The following MCUR1 variants were observed in gnomAD, a reference collection of about 807,000 sequenced individuals.
MCUR1 encodes the protein MCU regulator 1.
A neutral mutation model predicts 42.0 loss-of-function variants in MCUR1; 37 were observed. The observed-to-expected ratio is 0.88, with a 90% CI of 0.68 to 1.16. The LOEUF (loss-of-function observed/expected upper bound fraction) is 1.16, where lower values mean the gene tolerates loss of function less well. Among genes scored for constraint, MCUR1 ranks in the 50% most tolerant of loss-of-function variants. MCUR1 has a pLI of 0.00. For missense variants in MCUR1, 469 were observed against 468.4 expected, an observed-to-expected ratio of 1.00 and a Z score of -0.01; for synonymous variants, 229 against 196.2, an observed-to-expected ratio of 1.17 and a Z score of -1.40.
rs1209704375 is a variant in MCUR1 at position 13,800,531 on chromosome 6, C to T, written c.742-149G>A. The T allele has an allele frequency of 6.5e-5, 36 of 556,634 alleles. No homozygotes were observed. The South Asian group carries it at 7.7e-4, about 12-fold the overall frequency. 34.5% of individuals were successfully genotyped at this position (556,634 alleles called of 1,614,324 possible). On this transcript the variant is annotated intron_variant, in intron 4 of 8. Coordinates refer to ENST00000379170, the MANE Select transcript of MCUR1 (RefSeq NM_001031713.4). The stretch of plus-strand genomic sequence containing the variant: ...GATTGCAGAATGGCATTACAACACA[C>T]GTATCTTGAAATCAGTTTGAATTCA...
intron 6 of MCUR1, among the ~76,000 whole-genome samples, chr6:13,797,433 G>T (rs148179148): frequency 1.3e-5 from 2 of 152,202 alleles, no homozygotes; most frequent in African/African-American, 4.8e-5. Flanking sequence ...CTTAGGCCGG[G>T]CGCGGTGGCT....
At chr6:13,792,566 G>A (rs1056080006) in intron 7 of MCUR1, among the ~76,000 whole-genome samples, 1 of 152,032 alleles carries the variant, frequency 6.6e-6, no homozygotes, top group Admixed American at 6.6e-5. Context: ...GGCTACCCAC[G>A]GCCAATTTGT....
At chr6:13,801,541 A>G in intron 3 of MCUR1, 152 bp from the exon 4 acceptor site, 1 of 588,530 alleles carries the variant, frequency 1.7e-6, no homozygotes. Context: ...AAAGGGGAAA[A>G]GGAAAAGAAA....
Position 13,801,309 on chromosome 6 carries a change from T to G in MCUR1, c.720A>C (p.Ser240=). 1 of 1,612,354 alleles carries G rather than the reference T, an allele frequency of 6.2e-7. No homozygotes were observed. The change falls in exon 4 of 9, where the codon TCA becomes TCC. Residue 240 remains serine (S), a synonymous_variant. Transcript: ENST00000379170. ...TTACCTCATTTTCTGCTCTGAGGGC[T>G]GAAAATTCACTCTTCTCCAAAATAA... The part of the protein sequence containing the change: ...DMIILEKSEF[S]ALRAENEKIK...
intron 8 of MCUR1, 99 bp from the exon 9 acceptor site, chr6:13,790,963 C>CT (rs1759717907): frequency 1.2e-6 from 1 of 863,498 alleles, no homozygotes; most frequent in Non-Finnish European, 1.8e-6. Context: ...AACCTAGAAA[C>CT]TTAGATTGCT....
intron 6 of MCUR1, among the ~76,000 whole-genome samples, chr6:13,795,565 A>G (rs565676986): frequency 1.3e-5 from 2 of 152,274 alleles, no homozygotes; most frequent in South Asian, 2.1e-4. Flanking sequence ...TTACAAACAC[A>G]CTCGCTGTAT....
intron 2 of MCUR1, among the ~76,000 whole-genome samples, chr6:13,806,661 T>G (rs1197895935): frequency 6.6e-6 from 1 of 152,132 alleles, no homozygotes; most frequent in Admixed American, 6.6e-5. Context: ...CATGGTGGTG[T>G]GTGCCTGTAG....
At chr6:13,808,648 C>G (rs1389504036) in intron 1 of MCUR1, among the ~76,000 whole-genome samples, 1 of 152,136 alleles carries the variant, frequency 6.6e-6, no homozygotes, top group African/African-American at 2.4e-5. Flanking sequence ...AGTTTTAGCT[C>G]TTACATTGAG....
At chr6:13,809,025 C>T (rs141290764) in intron 1 of MCUR1, among the ~76,000 whole-genome samples, 5 of 152,268 alleles carry the variant, frequency 3.3e-5, no homozygotes, top group African/African-American at 9.6e-5. Flanking sequence ...ACTACAGACT[C>T]GACCTCAGCC....
chr6:13,797,741 C>T (rs896777553), intron 6 of MCUR1, among the ~76,000 whole-genome samples: 1 of 142,720 alleles, frequency 7.0e-6, no homozygotes, highest in Non-Finnish European at 1.5e-5. Context: ...ACACACTTGC[C>T]GGCCAGGCGC....
chr6:13,790,036 T>G lies in MCUR1; in HGVS notation c.*773A>C, dbSNP rs1358169698. On this transcript the variant is annotated 3_prime_UTR_variant, in exon 9 of 9. Transcript: ENST00000379170. Reference sequence around the variant, plus strand: ...CAACCAACTACAGCTGAAACAATACTATGGTACAGGGACTAGCTCATGTTA... The same window carrying G: ...CAACCAACTACAGCTGAAACAATACGATGGTACAGGGACTAGCTCATGTTA... 6.6e-6 allele frequency: 1 copy of G among 152,212 alleles called. No homozygotes were observed. The highest frequency in any genetic ancestry group is 2.4e-5 in the African/African-American group (1 of 41,454). 9.4% of individuals were successfully genotyped at this position (152,212 alleles called of 1,614,324 possible). A position where few individuals can be genotyped will look rare whatever the true frequency, so the allele number is the denominator to read the frequency against.
Position 13,802,333 on chromosome 6 carries a change from T to C in MCUR1, c.549A>G (p.Gln183=). 1 of 1,613,496 alleles carries C rather than the reference T, an allele frequency of 6.2e-7. No homozygotes were observed. The highest frequency in any genetic ancestry group is 8.5e-7 in the Non-Finnish European group (1 of 1,179,560). Residue 183 remains glutamine (Q), a synonymous_variant, in exon 3 of 9, where the codon CAA becomes CAG. Transcript: ENST00000379170. ...CLLEDNGFAT[Q]QAEIIVSALV... ...ATGCAGACACAATGATTTCTGCTTG[T>C]TGAGTAGCAAACCCTAAGCAAGCAC...
At chr6:13,791,454 A>G (rs1759726764) in intron 8 of MCUR1, among the ~76,000 whole-genome samples, 1 of 152,204 alleles carries the variant, frequency 6.6e-6, no homozygotes, top group South Asian at 2.1e-4. Context: ...GGGGTGGTAC[A>G]TGAATGTTCA....
intron 1 of MCUR1, among the ~76,000 whole-genome samples, chr6:13,808,074 G>A (rs925374271): frequency 1.3e-5 from 2 of 152,202 alleles, no homozygotes; most frequent in Non-Finnish European, 2.9e-5. Flanking sequence ...CTCTGTTCAT[G>A]AATGGATTAA....
chr6:13,797,484 G>T (rs1283818417), intron 6 of MCUR1, among the ~76,000 whole-genome samples: 1 of 148,008 alleles, frequency 6.8e-6, no homozygotes, highest in Non-Finnish European at 1.5e-5. Context: ...CGAGGTGGGC[G>T]GATCACGAGG....
chr6:13,807,137 T>C lies in MCUR1; in HGVS notation c.416-93A>G, dbSNP rs1760128794. ...GAAAATAAGGCATACCCCAAAGCCTTCGTGGTACTTTATAACAGCTTCGTT... is the reference window on the plus strand; with the variant it reads ...GAAAATAAGGCATACCCCAAAGCCTCCGTGGTACTTTATAACAGCTTCGTT... On this transcript the variant is annotated intron_variant, in intron 1 of 8. Coordinates refer to ENST00000379170, the MANE Select transcript of MCUR1 (RefSeq NM_001031713.4). 2.9e-6 allele frequency: 4 copies of C among 1,368,216 alleles called. No individual in the cohort carries two copies. The South Asian group carries it at 4.6e-5, about 16-fold the overall frequency. 84.8% of individuals were successfully genotyped at this position (1,368,216 alleles called of 1,614,324 possible).
chr6:13,800,383 C>T lies in MCUR1; in HGVS notation c.742-1G>A. The T allele has an allele frequency of 6.7e-7, 1 of 1,487,924 alleles. No homozygotes were observed. 92.2% of individuals were successfully genotyped at this position (1,487,924 alleles called of 1,614,324 possible). A position where few individuals can be genotyped will look rare whatever the true frequency, so the allele number is the denominator to read the frequency against. On this transcript the variant is annotated splice_acceptor_variant, in intron 4 of 8. Coordinates refer to ENST00000379170, the MANE Select transcript of MCUR1 (RefSeq NM_001031713.4). LOFTEE classifies it high-confidence loss of function. ...ACTGATGTAGTTCGAGTTTTATTTT[C>T]TAAAAACACATAAAAAAAAAGTCAT...
At chr6:13,793,779 A>T (rs902750060) in intron 7 of MCUR1, 115 bp downstream of exon 7, 1 of 870,010 alleles carries the variant, frequency 1.1e-6, no homozygotes, top group Non-Finnish European at 1.8e-6. Context: ...AATGTAAAAA[A>T]TTCCCATGAC....
At chr6:13,804,503 G>A (rs1016712543) in intron 2 of MCUR1, among the ~76,000 whole-genome samples, 2 of 151,228 alleles carry the variant, frequency 1.3e-5, no homozygotes, top group African/African-American at 2.4e-5. Context: ...GGCCGGGCGC[G>A]GTGGCTCACG....
Sources: allele counts gnomAD v4.1 joint callset (sites outside exome capture counted in the v4.1 genomes callset), GRCh38; gene constraint gnomAD v4.1.1; transcripts MANE v1.5; gene names NCBI Gene and HGNC (gene_info 2026-07-23, HGNC 2026-07-21).